NUP54: variants seen among roughly 807,000 people sequenced by gnomAD.
NUP54 encodes the protein nucleoporin p54.
NUP54 carries 27 observed loss-of-function variants against 66.4 expected under a neutral mutation model. That is an observed-to-expected ratio of 0.41 (90% CI 0.30 to 0.56). The LOEUF is 0.56. Ranked by LOEUF, NUP54 falls within the 20% of genes least tolerant of loss-of-function variation. The pLI, the probability that NUP54 is intolerant of heterozygous loss-of-function variation, is 0.34. For synonymous variants in NUP54, 206 were observed against 210.7 expected, an observed-to-expected ratio of 0.98 and a Z score of 0.19; for missense variants, 486 against 596.3, an observed-to-expected ratio of 0.82 and a Z score of 1.93.
intron 5 of NUP54, among the ~76,000 whole-genome samples, chr4:76,132,924 C>A (rs1363873356): frequency 7.3e-5 from 11 of 150,716 alleles, no homozygotes; most frequent in Admixed American, 7.3e-4. Context: ...GGTATCATCA[C>A]TGCAGCCTCA....
At chr4:76,123,622 C>T (rs918090984) in intron 9 of NUP54, among the ~76,000 whole-genome samples, 2 of 152,166 alleles carry the variant, frequency 1.3e-5, no homozygotes, top group South Asian at 4.1e-4. Flanking sequence ...AAGCAATTCT[C>T]GTGCCTCAGC....
At chr4:76,147,341 T>C (rs1349926410) in intron 1 of NUP54, 2 of 475,326 alleles carry the variant, frequency 4.2e-6, no homozygotes, top group Non-Finnish European at 6.5e-6. Flanking sequence ...TTGATACAGA[T>C]GTTTTTGATT....
At chr4:76,133,033 A>G (rs760788116) in intron 5 of NUP54, among the ~76,000 whole-genome samples, 21 of 143,244 alleles carry the variant, frequency 1.5e-4, no homozygotes, top group Admixed American at 3.5e-4. Flanking sequence ...GTGTGTCTAT[A>G]CATAAATATA....
chr4:76,135,035 A>T (rs1177285479), intron 4 of NUP54, among the ~76,000 whole-genome samples: 1 of 152,076 alleles, frequency 6.6e-6, no homozygotes. Context: ...ACCCATAATA[A>T]GTTGAGGAGT....
chr4:76,129,966 G>GTTTTTTTTTTTT lies in NUP54; in HGVS notation c.1056+678_1056+689dup, dbSNP rs775109047. 1.1e-4 allele frequency among the ~76,000 whole-genome samples: 6 copies of GTTTTTTTTTTTT among 56,826 alleles called. 1 individual carries two copies. Among genetic ancestry groups the GTTTTTTTTTTTT allele is most frequent in the Non-Finnish European group, 1.8e-4 (6 of 33,166 alleles). The allele number at this position is 56,826 out of a possible 152,430, so 37.3% of individuals were successfully genotyped here. A position where few individuals can be genotyped will look rare whatever the true frequency, so the allele number is the denominator to read the frequency against. On this transcript the variant is annotated intron_variant, in intron 8 of 11. Coordinates refer to ENST00000264883, the MANE Select transcript of NUP54 (RefSeq NM_017426.4). ...AATCTTTAAGTATTTAATTATGAAA[G>GTTTTTTTTTTTT]TTTTTTTTTTTTTTTTTTTTTTTTT... is the stretch of plus-strand genomic sequence containing the variant.
chr4:76,120,421 C>CTTTTTTTTTTTTTTTTTTTTTTTTTTT, intron 9 of NUP54, among the ~76,000 whole-genome samples: 1 of 117,800 alleles, frequency 8.5e-6, no homozygotes, highest in Non-Finnish European at 1.7e-5. Flanking sequence ...AAAGGGATCT[C>CTTTTTTTTTTTTTTTTTTTTTTTTTTT]TTTTTTTTTT....
chr4:76,133,047 G>GATAT (rs111375566), intron 5 of NUP54, among the ~76,000 whole-genome samples: 6 of 111,656 alleles, frequency 5.4e-5, no homozygotes, highest in African/African-American at 2.0e-4. Context: ...AAATATATAT[G>GATAT]ATATATATAT....
At chr4:76,138,640 T>C (rs758135126) in intron 3 of NUP54, among the ~76,000 whole-genome samples, 8 of 152,152 alleles carry the variant, frequency 5.3e-5, no homozygotes, top group Non-Finnish European at 1.2e-4. Flanking sequence ...CTGGGAGTAC[T>C]AAATAAGGGA....
chr4:76,141,024 T>C (rs1415810076), intron 3 of NUP54, among the ~76,000 whole-genome samples: 7 of 152,228 alleles, frequency 4.6e-5, no homozygotes, highest in Non-Finnish European at 1.0e-4. Flanking sequence ...CGATAATCCA[T>C]GCTTTGGCTT....
intron 3 of NUP54, among the ~76,000 whole-genome samples, chr4:76,140,411 G>A (rs939201138): frequency 4.6e-5 from 7 of 150,642 alleles, no homozygotes; most frequent in South Asian, 4.2e-4. Context: ...TCAGCCTCCC[G>A]AGTAACTGGG....
intron 8 of NUP54, among the ~76,000 whole-genome samples, chr4:76,129,192 A>G (rs1730670419): frequency 6.6e-6 from 1 of 151,858 alleles, no homozygotes; most frequent in African/African-American, 2.4e-5. Flanking sequence ...TGCCCCATAA[A>G]TATGTAGTTA....
chr4:76,147,785 C>A, intron 1 of NUP54: 3 of 497,618 alleles, frequency 6.0e-6, no homozygotes, highest in Non-Finnish European at 9.7e-6. Context: ...TTTAAGAAAG[C>A]AGAGTGGGGG....
At position 76,132,660 on chromosome 4, in the gene NUP54, G is replaced by A; in HGVS notation, c.770C>T (p.Pro257Leu). The change falls in exon 6 of 12, where the codon CCA becomes CTA. Residue 257 changes from proline to leucine, a missense_variant. Pro to Leu is a moderately conservative substitution (Grantham distance 98). Around this residue, in one of 4 missense-constraint regions of NUP54, gnomAD observed 217 missense variants for 247.9 expected, o/e 0.88. Coordinates refer to ENST00000264883, the MANE Select transcript of NUP54 (RefSeq NM_017426.4). ...AAAATGGGCATATAGCGTTGTAGCT[G>A]GAACTCTTCTTGAAGTACCATTTGG... ...RSPNGTSRRV[P>L]ATTLYAHFEQ... The A allele has an allele frequency of 6.2e-7, 1 of 1,613,862 alleles. No homozygotes were observed. Among genetic ancestry groups the A allele is most frequent in the Non-Finnish European group, 8.5e-7 (1 of 1,179,908 alleles).
At chr4:76,140,779 T>C (rs1050459914) in intron 3 of NUP54, among the ~76,000 whole-genome samples, 2 of 152,232 alleles carry the variant, frequency 1.3e-5, no homozygotes, top group African/African-American at 4.8e-5. Flanking sequence ...TTATCCCCTC[T>C]TCCATAATGT....
chr4:76,142,949 G>A (rs1731324187), intron 3 of NUP54, among the ~76,000 whole-genome samples: 3 of 152,076 alleles, frequency 2.0e-5, no homozygotes, highest in African/African-American at 7.2e-5. Flanking sequence ...CCAAACAGAT[G>A]AAGTCAAGTT....
chr4:76,144,614 A>C, intron 1 of NUP54, 141 bp from the exon 2 acceptor site: 1 of 618,410 alleles, frequency 1.6e-6, no homozygotes, highest in Non-Finnish European at 2.7e-6. Context: ...TTTCAAGATC[A>C]ATTTTTTAAA....
At chr4:76,132,796 T>A in intron 5 of NUP54, 77 bp from the exon 6 acceptor site, 1 of 1,077,186 alleles carries the variant, frequency 9.3e-7, no homozygotes, top group Admixed American at 2.4e-5. Context: ...TCATAGCATG[T>A]GATTTCAGAA....
intron 8 of NUP54, among the ~76,000 whole-genome samples, chr4:76,128,065 C>T (rs939532848): frequency 1.3e-5 from 2 of 152,080 alleles, no homozygotes; most frequent in African/African-American, 4.8e-5. Context: ...AGCCTCAAAC[C>T]TGGAAATGAG....
At position 76,117,700 on chromosome 4, in the gene NUP54, A is replaced by G. The variant is rs376613793; in HGVS notation, c.1359T>C (p.Tyr453=). The change falls in exon 11 of 12, where the codon TAT becomes TAC. Residue 453 remains tyrosine, a synonymous_variant. Coordinates refer to ENST00000264883, the MANE Select transcript of NUP54 (RefSeq NM_017426.4). Reference sequence around the variant, plus strand: ...CTCGTAACAGATCTGCATCTATGTAATACCTTTCTTCAGATCTGACTGCTC... The same window carrying G: ...CTCGTAACAGATCTGCATCTATGTAGTACCTTTCTTCAGATCTGACTGCTC... ...HFGAVRSEER[Y]YIDADLLREI... 26 of 1,613,414 alleles carry G rather than the reference A, an allele frequency of 1.6e-5. No individual in the cohort carries two copies. In the African/African-American group the frequency reaches 2.3e-4, roughly 14 times the overall value.
Sources: allele counts gnomAD v4.1 joint callset (sites outside exome capture counted in the v4.1 genomes callset), GRCh38; gene constraint gnomAD v4.1.1; regional missense constraint gnomAD v4.1.1; transcripts MANE v1.5; gene names NCBI Gene and HGNC (gene_info 2026-07-23, HGNC 2026-07-21).